PCDH9: variants seen among roughly 807,000 people sequenced by gnomAD.
PCDH9 encodes the protein protocadherin 9, also known as protocadherin-9.
PCDH9 carries 24 observed loss-of-function variants against 70.6 expected under a neutral mutation model. The observed-to-expected ratio is 0.34, with a 90% confidence interval of 0.25 to 0.48. The LOEUF (loss-of-function observed/expected upper bound fraction) is 0.48, where lower values mean the gene tolerates loss of function less well. Among genes scored for constraint, PCDH9 ranks in the 20% least tolerant of loss-of-function variants. PCDH9 has a pLI of 0.99. For missense variants in PCDH9, 1,281 were observed against 1,503.6 expected (o/e 0.85, Z 2.45); for synonymous variants, 562 against 558.5 (o/e 1.01, Z -0.09).
chr13:66,379,416 T>A (rs1411336023), intron 4 of PCDH9, among the ~76,000 whole-genome samples: 3 of 152,218 alleles, frequency 2.0e-5, no homozygotes, highest in Non-Finnish European at 4.4e-5. Flanking sequence ...TTTTTATAAA[T>A]ATAAATTAGT....
At chr13:66,327,951 TG>T (rs1190624720) in intron 4 of PCDH9, among the ~76,000 whole-genome samples, 1 of 152,154 alleles carries the variant, frequency 6.6e-6, no homozygotes, top group Non-Finnish European at 1.5e-5. Flanking sequence ...CCACAATCCT[TG>T]GGACTGATTT....
At chr13:67,219,787 C>T (rs970348497) in intron 2 of PCDH9, 3 of 151,818 alleles carry the variant, frequency 2.0e-5, no homozygotes, top group Non-Finnish European at 4.4e-5. Context: ...TTGTACTTTC[C>T]AACTCAGTGA....
At chr13:66,532,588 A>C (rs1390515910) in intron 4 of PCDH9, among the ~76,000 whole-genome samples, 1 of 151,968 alleles carries the variant, frequency 6.6e-6, no homozygotes, top group Non-Finnish European at 1.5e-5. Flanking sequence ...CTGTCACTAG[A>C]CTGGAGTGCA....
intron 2 of PCDH9, among the ~76,000 whole-genome samples, chr13:67,173,952 A>G (rs1479590098): frequency 1.3e-5 from 2 of 152,180 alleles, no homozygotes; most frequent in South Asian, 2.1e-4. Context: ...TTCTCAAATG[A>G]AAGTATCCAT....
At chr13:67,008,629 C>G (rs1434692854) in intron 2 of PCDH9, among the ~76,000 whole-genome samples, 2 of 152,116 alleles carry the variant, frequency 1.3e-5, no homozygotes, top group African/African-American at 4.8e-5. Flanking sequence ...CATCAAATCA[C>G]CTCTTCTTAC....
At chr13:66,414,621 T>C (rs1957431320) in intron 4 of PCDH9, among the ~76,000 whole-genome samples, 1 of 152,206 alleles carries the variant, frequency 6.6e-6, no homozygotes, top group African/African-American at 2.4e-5. Flanking sequence ...TAAAGAATTT[T>C]AAAGGCTTAT....
intron 2 of PCDH9, among the ~76,000 whole-genome samples, chr13:67,048,116 G>C (rs1373657249): frequency 2.0e-5 from 3 of 152,142 alleles, no homozygotes; most frequent in Non-Finnish European, 4.4e-5. Context: ...TGTGAATAGT[G>C]AAATTGCTTT....
chr13:66,917,180 A>T (rs1319359518), intron 2 of PCDH9, among the ~76,000 whole-genome samples: 1 of 151,542 alleles, frequency 6.6e-6, no homozygotes, highest in Non-Finnish European at 1.5e-5. Flanking sequence ...CAAGTTAGAC[A>T]TAGCAACAAC....
intron 2 of PCDH9, among the ~76,000 whole-genome samples, chr13:67,084,286 C>T (rs1181074100): frequency 2.0e-5 from 3 of 152,088 alleles, no homozygotes; most frequent in Admixed American, 2.0e-4. Flanking sequence ...GAACTCTGAC[C>T]CCATTCTTCT....
At chr13:66,695,120 G>C (rs1028413901) in intron 3 of PCDH9, among the ~76,000 whole-genome samples, 4 of 151,980 alleles carry the variant, frequency 2.6e-5, no homozygotes, top group African/African-American at 9.7e-5. Context: ...AGCCAGGATG[G>C]TCTCGCTCTC....
intron 4 of PCDH9, among the ~76,000 whole-genome samples, chr13:66,411,911 T>C (rs954635776): frequency 6.6e-6 from 1 of 152,142 alleles, no homozygotes; most frequent in Non-Finnish European, 1.5e-5. Context: ...CCCATAGAAA[T>C]GGAGATAGCA....
At chr13:66,637,836 C>T (rs750716092) in intron 3 of PCDH9, among the ~76,000 whole-genome samples, 18 of 151,576 alleles carry the variant, frequency 1.2e-4, no homozygotes, top group Admixed American at 1.2e-3. Context: ...ATGGCGTGAA[C>T]CTGGGAGACG....
intron 3 of PCDH9, among the ~76,000 whole-genome samples, chr13:66,892,196 T>G (rs930342388): frequency 6.7e-6 from 1 of 149,304 alleles, no homozygotes. Flanking sequence ...TATATATATG[T>G]GTTATGTGTG....
intron 3 of PCDH9, among the ~76,000 whole-genome samples, chr13:66,655,157 CA>C (rs1043610881): frequency 1.3e-5 from 2 of 150,384 alleles, no homozygotes; most frequent in African/African-American, 2.4e-5. Flanking sequence ...CTACAGAAGA[CA>C]AAAAAAATGG....
intron 2 of PCDH9, among the ~76,000 whole-genome samples, chr13:67,099,006 A>G (rs1288911852): frequency 6.6e-6 from 1 of 152,194 alleles, no homozygotes; most frequent in African/African-American, 2.4e-5. Flanking sequence ...GAATGACCTC[A>G]TGTTGAACCC....
At chr13:66,497,929 G>A (rs866269340) in intron 4 of PCDH9, among the ~76,000 whole-genome samples, 7 of 144,730 alleles carry the variant, frequency 4.8e-5, no homozygotes, top group African/African-American at 1.3e-4. Context: ...AGTGACTTTC[G>A]TGCCTCAGCC....
At chr13:66,395,623 TA>T (rs1191886507) in intron 4 of PCDH9, among the ~76,000 whole-genome samples, 71 of 146,186 alleles carry the variant, frequency 4.9e-4, no homozygotes, top group African/African-American at 1.7e-3. Flanking sequence ...AATAAATAAA[TA>T]AAATAAAATA....
In PCDH9 at chr13:66,457,847, G is replaced by T. The variant is rs563382636; in HGVS notation, c.3341-152819C>A. Among the ~76,000 whole-genome samples the T allele has an allele frequency of 2.4e-4, 37 of 151,762 alleles. 1 individual carries two copies. Among genetic ancestry groups the T allele is most frequent in the Middle Eastern group, 6.8e-3 (2 of 294 alleles). On this transcript the variant is annotated intron_variant, in intron 4 of 4. Coordinates refer to ENST00000377865, the MANE Select transcript of PCDH9 (RefSeq NM_203487.3). ...TTGAAAAAGTGTTGGTGATTTTTTT[G>T]GGGGGGATAGGGGCTTAAAATCTAG...
intron 3 of PCDH9, chr13:66,886,111 T>G (rs1406958502): frequency 6.6e-6 from 1 of 152,206 alleles, no homozygotes; most frequent in Non-Finnish European, 1.5e-5. Context: ...TTACTGTTTT[T>G]GTTCTGTTAA....
Sources: allele counts gnomAD v4.1 joint callset (sites outside exome capture counted in the v4.1 genomes callset), GRCh38; gene constraint gnomAD v4.1.1; transcripts MANE v1.5; gene names NCBI Gene and HGNC (gene_info 2026-07-23, HGNC 2026-07-21).